The following GLS2 variants were observed in gnomAD, a reference collection of about 807,000 sequenced individuals.
GLS2 encodes the protein glutaminase liver isoform, mitochondrial.
A neutral mutation model predicts 79.0 loss-of-function variants in GLS2; 52 were observed. That is an observed-to-expected ratio of 0.66 (90% confidence interval 0.53 to 0.83). GLS2 has a LOEUF of 0.83. Among genes scored for constraint, GLS2 ranks in the 40% least tolerant of loss-of-function variants. GLS2 has a pLI of 0.00. For missense variants in GLS2, 561 were observed against 764.8 expected, an observed-to-expected ratio of 0.73 and a Z score of 3.14; for synonymous variants, 238 against 280.8, an observed-to-expected ratio of 0.85 and a Z score of 1.52.
At chr12:56,478,155 C>G (rs770636583) in intron 5 of GLS2, 28 bp downstream of exon 5, 1 of 1,614,192 alleles carries the variant, frequency 6.2e-7, no homozygotes, top group Non-Finnish European at 8.5e-7. Flanking sequence ...TGTGCCCTGC[C>G]TCCCCTTCCT....
intron 9 of GLS2, 191 bp from the exon 10 acceptor site, chr12:56,475,301 A>G (rs1869707811): frequency 7.0e-7 from 1 of 1,428,688 alleles, no homozygotes; most frequent in Non-Finnish European, 9.4e-7. Context: ...TTTGTTATAA[A>G]GTAAACCCAA....
At chr12:56,475,579 C>G (rs1224883762) in intron 9 of GLS2, 45 bp downstream of exon 9, 1 of 1,587,204 alleles carries the variant, frequency 6.3e-7, no homozygotes, top group East Asian at 2.2e-5. Flanking sequence ...AGTACACACA[C>G]ATACACCACA....
intron 4 of GLS2, chr12:56,478,704 G>A (rs931443353): frequency 1.1e-5 from 3 of 261,672 alleles, no homozygotes; most frequent in South Asian, 5.3e-5. Flanking sequence ...TCTGAGAAGC[G>A]AGGTATATCT....
intron 5 of GLS2, 24 bp downstream of exon 5, chr12:56,478,159 C>T (rs745372675): frequency 3.1e-6 from 5 of 1,614,178 alleles, no homozygotes; most frequent in Non-Finnish European, 4.2e-6. Flanking sequence ...CCCTGCCTCC[C>T]CTTCCTCTTG....
At chr12:56,485,291 C>G (rs1402791699) in intron 1 of GLS2, among the ~76,000 whole-genome samples, 2 of 152,122 alleles carry the variant, frequency 1.3e-5, no homozygotes, top group Non-Finnish European at 2.9e-5. Context: ...GGGTCTTGCT[C>G]TGTTGCCTAG....
Position 56,471,058 on chromosome 12 carries a change from C to T in GLS2, c.*429G>A, listed in dbSNP as rs1011247272. On this transcript the variant is annotated 3_prime_UTR_variant, in exon 18 of 18. Coordinates refer to ENST00000311966, the MANE Select transcript of GLS2 (RefSeq NM_013267.4). ...TCCTGGCCAAGGGGAGTAGATTTCT[C>T]CAGACTACTAAAGCCATGTATATAG... 3.4e-6 allele frequency: 1 copy of T among 293,880 alleles called. No homozygotes were observed. The highest frequency in any genetic ancestry group is 5.7e-5 in the East Asian group (1 of 17,684). The allele number at this position is 293,880 out of a possible 1,614,324, so 18.2% of individuals were successfully genotyped here.
chr12:56,481,178 C>T (rs1207975165), intron 1 of GLS2, among the ~76,000 whole-genome samples: 2 of 147,046 alleles, frequency 1.4e-5, no homozygotes, highest in African/African-American at 5.0e-5. Flanking sequence ...CTCAATCCAC[C>T]TTCTAAAATG....
rs1389636294 is a variant in GLS2 at position 56,471,755 on chromosome 12, T to C, written c.1652+18A>G. 6.2e-7 allele frequency: 1 copy of C among 1,614,036 alleles called. No individual in the cohort carries two copies. The highest frequency in any genetic ancestry group is 2.2e-5 in the East Asian group (1 of 44,872). ...AGAAGCTGTGCCCACCCTCCTCCAC[T>C]TTTAGCCTATTCCTCACCTGTCCTT... On this transcript the variant is annotated intron_variant, in intron 17 of 17. Transcript: ENST00000311966.
chr12:56,479,616 T>G, intron 3 of GLS2, 164 bp downstream of exon 3: 1 of 782,572 alleles, frequency 1.3e-6, no homozygotes, highest in Non-Finnish European at 1.8e-6. Flanking sequence ...TATTTCTATA[T>G]TGTTTGAACT....
At chr12:56,481,308 C>A (rs1051354138) in intron 1 of GLS2, among the ~76,000 whole-genome samples, 1 of 147,534 alleles carries the variant, frequency 6.8e-6, no homozygotes, top group Non-Finnish European at 1.5e-5. Flanking sequence ...TGGGTTCAAG[C>A]GATTCTCCTG....
chr12:56,477,883 AAGG>A (rs1405145077), intron 6 of GLS2, 47 bp downstream of exon 6: 1 of 1,582,666 alleles, frequency 6.3e-7, no homozygotes, highest in Non-Finnish European at 8.6e-7. Context: ...GGGTGGGGAT[AAGG>A]AGAAGGGGAC....
At chr12:56,475,015 G>T in intron 10 of GLS2, 29 bp downstream of exon 10, 1 of 1,613,928 alleles carries the variant, frequency 6.2e-7, no homozygotes, top group East Asian at 2.2e-5. Context: ...AATTCCCAGG[G>T]ACTTTCTCTT....
intron 14 of GLS2, 57 bp from the exon 15 acceptor site, chr12:56,472,808 C>G: frequency 6.9e-7 from 1 of 1,443,764 alleles, no homozygotes; most frequent in African/African-American, 1.4e-5. Context: ...GCCAGCTGTG[C>G]CCTGTGACCC....
chr12:56,473,035 G>A (rs992050156), intron 14 of GLS2, 193 bp downstream of exon 14: 22 of 606,284 alleles, frequency 3.6e-5, no homozygotes, highest in Middle Eastern at 8.9e-4. Context: ...GACCACAGGC[G>A]CGTGCCACCA....
Position 56,474,529 on chromosome 12 carries a change from G to A in GLS2, c.1224+15C>T. On this transcript the variant is annotated intron_variant, in intron 12 of 17. Transcript: ENST00000311966. ...CTGGGCTCATGACAGATGGATAGCA[G>A]AGCCAGAAACTCACGTGGAAGGCAA... The A allele has an allele frequency of 6.2e-7, 1 of 1,613,402 alleles. No individual in the cohort carries two copies.
chr12:56,478,802 G>T, intron 4 of GLS2: 1 of 397,540 alleles, frequency 2.5e-6, no homozygotes, highest in East Asian at 5.2e-5. Flanking sequence ...AGACCAGCCT[G>T]GCCAATATGG....
At chr12:56,479,641 T>C in intron 3 of GLS2, 139 bp downstream of exon 3, 3 of 1,010,754 alleles carry the variant, frequency 3.0e-6, no homozygotes, top group Non-Finnish European at 1.4e-6. Flanking sequence ...TGATGAGTAT[T>C]CATGTATAAC....
intron 1 of GLS2, among the ~76,000 whole-genome samples, chr12:56,481,197 A>ATT (rs1870258304): frequency 1.0e-5 from 1 of 98,830 alleles, no homozygotes; most frequent in African/African-American, 3.3e-5. Flanking sequence ...TGTGCCAGTG[A>ATT]TCTTTTTTTT....
chr12:56,480,161 C>A, intron 2 of GLS2, 127 bp downstream of exon 2: 2 of 853,678 alleles, frequency 2.3e-6, no homozygotes, highest in East Asian at 2.6e-5. Flanking sequence ...TCTGGATTCT[C>A]ATCCATCTGT....
Sources: gnomAD v4.1 joint callset for allele counts (sites outside exome capture counted in the v4.1 genomes callset) on GRCh38, gnomAD v4.1.1 for gene constraint, MANE v1.5 for transcripts, NCBI Gene and HGNC (gene_info 2026-07-23, HGNC 2026-07-21) for gene names.